Variants in LSAMP observed in about 807,000 individuals in gnomAD.
LSAMP encodes limbic system associated membrane protein, also known as limbic system-associated membrane protein.
In LSAMP, 7 loss-of-function variants were observed where a neutral mutation model predicts 38.6. That is an observed-to-expected ratio of 0.18 (90% CI 0.10 to 0.34). The LOEUF (loss-of-function observed/expected upper bound fraction) is 0.34. Among genes scored for constraint, LSAMP ranks in the 10% least tolerant of loss-of-function variants. The pLI is 1.00. For missense variants in LSAMP, 313 were observed against 420.0 expected, an observed-to-expected ratio of 0.75 and a Z score of 2.23; for synonymous variants, 154 against 166.8, an observed-to-expected ratio of 0.92 and a Z score of 0.59.
chr3:116,139,000 T>C (rs1418750399), intron 1 of LSAMP, among the ~76,000 whole-genome samples: 1 of 151,732 alleles, frequency 6.6e-6, no homozygotes, highest in Non-Finnish European at 1.5e-5. Flanking sequence ...CATTGAGCAT[T>C]ATATACATAT....
At chr3:116,057,957 C>CACACACACACACACA (rs1553699978) in intron 2 of LSAMP, among the ~76,000 whole-genome samples, 20 of 117,562 alleles carry the variant, frequency 1.7e-4, no homozygotes, top group South Asian at 2.9e-4. Context: ...ACACACACAC[C>CACACACACACACACA]CACACACACA....
chr3:115,828,971 T>C (rs1934519645), intron 6 of LSAMP, among the ~76,000 whole-genome samples: 1 of 152,160 alleles, frequency 6.6e-6, no homozygotes, highest in South Asian at 2.1e-4. Context: ...AGAAAGGAGT[T>C]CTAGGCACTA....
intron 2 of LSAMP, among the ~76,000 whole-genome samples, chr3:116,075,138 ATT>A (rs71297430): frequency 8.5e-5 from 10 of 118,248 alleles, no homozygotes; most frequent in Admixed American, 1.8e-4. Context: ...GCACCCAGCC[ATT>A]TTTTTTTTTT....
intron 1 of LSAMP, among the ~76,000 whole-genome samples, chr3:116,385,579 T>C (rs1005498221): frequency 3.9e-5 from 6 of 152,180 alleles, no homozygotes; most frequent in Non-Finnish European, 7.3e-5. Context: ...CTATTCTCTA[T>C]GCATCTTTGC....
intron 3 of LSAMP, among the ~76,000 whole-genome samples, chr3:115,869,269 G>GGAGAGAGAGAGAGAGAGAGA (rs35112915): frequency 0.016 from 2,083 of 128,150 alleles, 37 homozygotes; most frequent in East Asian, 0.026. Flanking sequence ...TCTTGGAGGG[G>GGAGAGAGAGAGAGAGAGAGA]GAGAGAGAGA....
intron 2 of LSAMP, among the ~76,000 whole-genome samples, chr3:116,049,527 G>T (rs1408500274): frequency 3.3e-5 from 5 of 152,166 alleles, no homozygotes. Flanking sequence ...TTACAATGGC[G>T]ATTACAATAG....
intron 1 of LSAMP, among the ~76,000 whole-genome samples, chr3:116,282,338 T>C (rs1324817138): frequency 6.6e-6 from 1 of 152,148 alleles, no homozygotes; most frequent in Non-Finnish European, 1.5e-5. Context: ...AAACAGCTTA[T>C]AGTTTTAGGA....
At chr3:115,929,210 AAAAAC>A (rs1937541244) in intron 3 of LSAMP, among the ~76,000 whole-genome samples, 3 of 152,152 alleles carry the variant, frequency 2.0e-5, no homozygotes, top group African/African-American at 7.2e-5. Flanking sequence ...AGTCAAAACA[AAAAAC>A]AAATAAGAAA....
chr3:116,049,139 G>T (rs1361837737), intron 2 of LSAMP, among the ~76,000 whole-genome samples: 8 of 152,138 alleles, frequency 5.3e-5, no homozygotes, highest in Admixed American at 5.2e-4. Flanking sequence ...TTGAAGCCAG[G>T]GTTGTCCATC....
intron 6 of LSAMP, among the ~76,000 whole-genome samples, chr3:115,827,268 T>G (rs1484204482): frequency 6.6e-6 from 1 of 151,604 alleles, no homozygotes; most frequent in Non-Finnish European, 1.5e-5. Context: ...CTTGCTGCTG[T>G]GTGAGCTAAG....
intron 1 of LSAMP, among the ~76,000 whole-genome samples, chr3:116,337,167 A>G (rs1257506797): frequency 6.6e-6 from 1 of 151,972 alleles, no homozygotes; most frequent in Non-Finnish European, 1.5e-5. Context: ...GCCTGGAAGT[A>G]AGGGAATATG....
intron 1 of LSAMP, among the ~76,000 whole-genome samples, chr3:116,351,450 G>T (rs756250095): frequency 4.6e-5 from 7 of 152,006 alleles, no homozygotes; most frequent in Non-Finnish European, 8.8e-5. Flanking sequence ...TTCACCATGG[G>T]TATGTTGGAA....
intron 1 of LSAMP, among the ~76,000 whole-genome samples, chr3:116,112,626 C>G (rs1357600409): frequency 1.3e-5 from 2 of 152,140 alleles, no homozygotes; most frequent in Admixed American, 1.3e-4. Context: ...GCATAGGAAC[C>G]AGCCTAGGAA....
At chr3:115,916,950 T>C (rs1937265151) in intron 3 of LSAMP, among the ~76,000 whole-genome samples, 1 of 152,222 alleles carries the variant, frequency 6.6e-6, no homozygotes, top group Non-Finnish European at 1.5e-5. Context: ...AAAGGCTAGC[T>C]TCATTTTTCT....
chr3:115,829,269 G>A (rs893895637), intron 6 of LSAMP, among the ~76,000 whole-genome samples: 1 of 152,142 alleles, frequency 6.6e-6, no homozygotes, highest in African/African-American at 2.4e-5. Context: ...TCATTGGATT[G>A]ATGAGTGAAC....
chr3:116,293,879 G>A (rs1209354579), intron 1 of LSAMP, among the ~76,000 whole-genome samples: 2 of 151,896 alleles, frequency 1.3e-5, no homozygotes, highest in African/African-American at 4.8e-5. Context: ...ACTAAAAAAT[G>A]TACTCTTTTC....
chr3:116,145,866 A>AT (rs1191770917), intron 1 of LSAMP, among the ~76,000 whole-genome samples: 1 of 151,800 alleles, frequency 6.6e-6, no homozygotes, highest in Non-Finnish European at 1.5e-5. Context: ...TTTTGCATAG[A>AT]TTTTTTAATT....
intron 1 of LSAMP, among the ~76,000 whole-genome samples, chr3:116,234,266 T>TA (rs2046438591): frequency 6.6e-6 from 1 of 152,208 alleles, no homozygotes; most frequent in South Asian, 2.1e-4. Context: ...TTTTTCATTT[T>TA]AACTTCTCTT....
intron 3 of LSAMP, among the ~76,000 whole-genome samples, chr3:115,889,742 C>G (rs1936548566): frequency 6.6e-6 from 1 of 151,884 alleles, no homozygotes; most frequent in Non-Finnish European, 1.5e-5. Context: ...TCTCTATAAA[C>G]AATATGGCAT....
Sources: allele counts gnomAD v4.1 joint callset (sites outside exome capture counted in the v4.1 genomes callset), GRCh38; gene constraint gnomAD v4.1.1; transcripts MANE v1.5; gene names NCBI Gene and HGNC (gene_info 2026-07-23, HGNC 2026-07-21).